GSE1: variants seen among roughly 807,000 people sequenced by gnomAD.
The protein encoded by GSE1 is genetic suppressor element 1.
GSE1 carries 32 observed loss-of-function variants against 112.6 expected under a neutral mutation model. The observed-to-expected ratio is 0.28, with a 90% CI of 0.21 to 0.38. GSE1 has a LOEUF of 0.38. GSE1 is among the 10% of genes least tolerant of loss of function. GSE1 has a pLI of 1.00. For missense variants in GSE1, 2,348 were observed against 1,699.2 expected, an observed-to-expected ratio of 1.38 and a Z score of -6.71; for synonymous variants, 1,115 against 735.6, an observed-to-expected ratio of 1.52 and a Z score of -8.35.
At chr16:85,542,711 C>T (rs1473242849) in intron 2 of GSE1, among the ~76,000 whole-genome samples, 1 of 152,186 alleles carries the variant, frequency 6.6e-6, no homozygotes, top group Non-Finnish European at 1.5e-5. Context: ...GGTCGTGAAG[C>T]CCGGGGGACT....
chr16:85,296,443 A>C (rs2045369385), intron 1 of GSE1, among the ~76,000 whole-genome samples: 1 of 152,070 alleles, frequency 6.6e-6, no homozygotes, highest in Admixed American at 6.5e-5. Context: ...CGACTCTGCT[A>C]AAATACAAAA....
At chr16:85,258,517 G>A (rs1026334259) in intron 1 of GSE1, among the ~76,000 whole-genome samples, 6 of 152,210 alleles carry the variant, frequency 3.9e-5, no homozygotes, top group Admixed American at 2.0e-4. Flanking sequence ...CTGCGGCCCC[G>A]TGGCCACTGC....
At chr16:85,172,530 G>T (rs1475411920) in intron 1 of GSE1, among the ~76,000 whole-genome samples, 1 of 152,226 alleles carries the variant, frequency 6.6e-6, no homozygotes, top group African/African-American at 2.4e-5. Context: ...GCCAGACGGG[G>T]CTCAGTTAAT....
At chr16:85,478,067 G>A (rs933931613) in intron 2 of GSE1, among the ~76,000 whole-genome samples, 20 of 152,114 alleles carry the variant, frequency 1.3e-4, no homozygotes, top group Admixed American at 2.0e-4. Flanking sequence ...CCACTCATCC[G>A]CTTTCTGTCT....
chr16:85,636,446 T>G (rs551511953), intron 2 of GSE1, among the ~76,000 whole-genome samples: 2 of 152,200 alleles, frequency 1.3e-5, no homozygotes, highest in Non-Finnish European at 2.9e-5. Context: ...CAGGCCTTGG[T>G]CTGGATGGGG....
rs761259240 is a variant in GSE1 at position 85,656,388 on chromosome 16, CGAGCGCGAGCGT to C, written c.1041_1052del (p.Arg349_Glu352del). ...TAAGGCGGGAGAGGGAGCGCGAGCG[CGAGCGCGAGCGT>C]GAGCGTGAGGCTGACCGCGAGCGGG... On this transcript the variant is annotated inframe_deletion, in exon 7 of 16. Coordinates refer to ENST00000253458, the MANE Select transcript of GSE1 (RefSeq NM_014615.5). 802 of 1,560,154 alleles carry C rather than the reference CGAGCGCGAGCGT, an allele frequency of 5.1e-4. 1 individual carries two copies. Among genetic ancestry groups the C allele is most frequent in the African/African-American group, 4.6e-3 (324 of 69,712 alleles).
chr16:85,517,371 A>T lies in GSE1; in HGVS notation c.2465-116543A>T, dbSNP rs141604684. On this transcript the variant is annotated intron_variant, in intron 2 of 2. Transcript: ENST00000637419. ...GCTTTCTCATCTGTGAAATGGGGCAATAGAGCTGCCAGTGACCAAGTGAGT... is the reference window on the plus strand; with the variant it reads ...GCTTTCTCATCTGTGAAATGGGGCATTAGAGCTGCCAGTGACCAAGTGAGT... Among the ~76,000 whole-genome samples the T allele has an allele frequency of 8.5e-5, 13 of 152,298 alleles. 1 individual carries two copies. The East Asian group carries it at 2.3e-3, about 27-fold the overall frequency.
At chr16:85,228,245 A>T (rs2075523127) in intron 1 of GSE1, among the ~76,000 whole-genome samples, 1 of 152,244 alleles carries the variant, frequency 6.6e-6, no homozygotes. Flanking sequence ...GTCAAGAGCT[A>T]CAGACAGAGG....
chr16:85,664,675 T>A (rs115423408), intron 11 of GSE1: 2 of 216,948 alleles, frequency 9.2e-6, no homozygotes, highest in African/African-American at 4.6e-5. Flanking sequence ...TTGGGGTGTT[T>A]CTTTGTGTTG....
intron 1 of GSE1, among the ~76,000 whole-genome samples, chr16:85,562,774 G>C (rs2045581088): frequency 6.6e-6 from 1 of 152,252 alleles, no homozygotes. Context: ...AAGTGTGATG[G>C]AGTCACCTGG....
At chr16:85,259,510 C>T (rs1048932297) in intron 1 of GSE1, among the ~76,000 whole-genome samples, 1 of 152,254 alleles carries the variant, frequency 6.6e-6, no homozygotes, top group Non-Finnish European at 1.5e-5. Flanking sequence ...CCCTCACGGC[C>T]GGCTTGTTTT....
intron 2 of GSE1, among the ~76,000 whole-genome samples, chr16:85,502,613 G>C (rs530567928): frequency 1.3e-5 from 2 of 152,200 alleles, no homozygotes; most frequent in African/African-American, 4.8e-5. Context: ...TGGTGGCTGC[G>C]AGGCCTCTGC....
At chr16:85,575,348 A>G (rs867708927) in intron 1 of GSE1, among the ~76,000 whole-genome samples, 1 of 152,180 alleles carries the variant, frequency 6.6e-6, no homozygotes, top group African/African-American at 2.4e-5. Context: ...GAGATCTGCT[A>G]TCCGGCATAA....
chr16:85,444,952 A>T (rs1215141656), intron 2 of GSE1, among the ~76,000 whole-genome samples: 1 of 152,126 alleles, frequency 6.6e-6, no homozygotes, highest in Non-Finnish European at 1.5e-5. Flanking sequence ...CCACGTTGTC[A>T]CAGGAGGCCC....
At chr16:85,380,622 T>C (rs2151619719) in intron 2 of GSE1, among the ~76,000 whole-genome samples, 1 of 152,310 alleles carries the variant, frequency 6.6e-6, no homozygotes, top group Non-Finnish European at 1.5e-5. Context: ...GTTTGATCTG[T>C]GCTCTGCATT....
At chr16:85,334,330 G>A (rs886810803) in intron 1 of GSE1, among the ~76,000 whole-genome samples, 2 of 152,222 alleles carry the variant, frequency 1.3e-5, no homozygotes, top group South Asian at 2.1e-4. Flanking sequence ...AGTCATCCAC[G>A]CCTCACAGCA....
chr16:85,539,352 C>T (rs1368265142), intron 2 of GSE1, among the ~76,000 whole-genome samples: 1 of 152,150 alleles, frequency 6.6e-6, no homozygotes, highest in East Asian at 1.9e-4. Flanking sequence ...TCAAGGCGGG[C>T]GGCTCTCTGC....
chr16:85,487,625 G>T lies in GSE1; in HGVS notation c.2464+129982G>T, dbSNP rs536121912. Among the ~76,000 whole-genome samples the T allele has an allele frequency of 9.6e-4, 146 of 152,280 alleles. 2 individuals are homozygous for T. In the Middle Eastern group the frequency reaches 0.014, roughly 14 times the overall value. Reference sequence around the variant, plus strand: ...CGGCAGAGCCAGGCTCTCGAATCCAGGTCCCCAAGTCCAGGATGGGAATCA... The same window carrying T: ...CGGCAGAGCCAGGCTCTCGAATCCATGTCCCCAAGTCCAGGATGGGAATCA... On this transcript the variant is annotated intron_variant, in intron 2 of 2. Transcript: ENST00000637419.
chr16:85,663,223 C>T (rs1194415148), intron 10 of GSE1, 121 bp from the exon 11 acceptor site: 5 of 1,326,560 alleles, frequency 3.8e-6, no homozygotes, highest in Non-Finnish European at 5.3e-6. Context: ...TGAAGCTCTT[C>T]TCCCACCAGG....
Sources: gnomAD v4.1 joint callset for allele counts (sites outside exome capture counted in the v4.1 genomes callset) on GRCh38, gnomAD v4.1.1 for gene constraint, MANE v1.5 for transcripts, NCBI Gene and HGNC (gene_info 2026-07-23, HGNC 2026-07-21) for gene names.